The following KANSL1 variants were observed in gnomAD, a reference collection of about 807,000 sequenced individuals.
The protein encoded by KANSL1 is KAT8 regulatory NSL complex subunit 1.
In KANSL1, 22 loss-of-function variants were observed where a neutral mutation model predicts 103.6. That is an observed-to-expected ratio of 0.21 (90% confidence interval 0.15 to 0.30). KANSL1 has a LOEUF of 0.30. KANSL1 is among the 10% of genes least tolerant of loss of function. KANSL1 has a pLI of 1.00. For missense variants in KANSL1, 1,337 were observed against 1,399.8 expected (o/e 0.96, Z 0.72); for synonymous variants, 600 against 527.6 (o/e 1.14, Z -1.88).
intron 3 of KANSL1, among the ~76,000 whole-genome samples, chr17:46,087,082 AAGAC>A (rs2079191821): frequency 6.6e-6 from 1 of 152,080 alleles, no homozygotes; most frequent in African/African-American, 2.4e-5. Context: ...TGTTTATTTG[AAGAC>A]AGAATCAACC....
chr17:46,194,357 T>G (rs2047531167), upstream of KANSL1, among the ~76,000 whole-genome samples: 1 of 152,240 alleles, frequency 6.6e-6, no homozygotes. Flanking sequence ...AACACAAGTC[T>G]CACAACAAAA....
rs1448891597 is a variant in KANSL1, at chr17:46,171,775, C to T, written c.369G>A (p.Glu123=). 1.9e-6 allele frequency: 3 copies of T among 1,608,698 alleles called. No individual in the cohort carries two copies. The highest frequency in any genetic ancestry group is 3.4e-5 in the Admixed American group (2 of 58,882). ...LLSQSYELRA[E]LLGRQPVLEF... ...CCAAAACTGGCTGTCTCCCCAACAG[C>T]TCAGCTCGGAGTTCATAGGACTGAG... is the stretch of plus-strand genomic sequence containing the variant. The change falls in exon 2 of 15, where the codon GAG becomes GAA. Residue 123 remains glutamate, a synonymous_variant. Coordinates refer to ENST00000432791, the MANE Select transcript of KANSL1 (RefSeq NM_015443.4).
rs753493307 is a variant in KANSL1, at chr17:46,171,757, T to C, written c.387A>G (p.Pro129=). 11 of 1,591,586 alleles carry C rather than the reference T, an allele frequency of 6.9e-6. No individual in the cohort carries two copies. In the Admixed American group the frequency reaches 1.7e-4, roughly 24 times the overall value. ...ELRAELLGRQ[P]VLEFSLENLR... is the part of the protein sequence containing the mutation. The stretch of plus-strand genomic sequence containing the variant: ...GATTTTCTAAGGAAAACTCCAAAAC[T>C]GGCTGTCTCCCCAACAGCTCAGCTC... Residue 129 remains proline, a synonymous_variant, in exon 2 of 15, where the codon CCA becomes CCG. Coordinates refer to ENST00000432791, the MANE Select transcript of KANSL1 (RefSeq NM_015443.4).
intron 4 of KANSL1, among the ~76,000 whole-genome samples, chr17:46,078,977 C>A (rs1471706734): frequency 6.6e-6 from 1 of 152,194 alleles, no homozygotes; most frequent in Non-Finnish European, 1.5e-5. Flanking sequence ...TCTCCCTCAG[C>A]TAGCCTTACA....
intron 3 of KANSL1, among the ~76,000 whole-genome samples, chr17:46,083,072 A>G (rs2079041437): frequency 6.6e-6 from 1 of 152,196 alleles, no homozygotes; most frequent in Non-Finnish European, 1.5e-5. Context: ...CTTTTTTCAT[A>G]AGCATAAATA....
chr17:46,041,546 G>A (rs2077315504), intron 7 of KANSL1: 1 of 152,152 alleles, frequency 6.6e-6, no homozygotes, highest in Non-Finnish European at 1.5e-5. Flanking sequence ...CACTGCTTCA[G>A]AATAGAATGA....
At chr17:46,140,529 C>CAA (rs142629715) in intron 2 of KANSL1, among the ~76,000 whole-genome samples, 36 of 144,520 alleles carry the variant, frequency 2.5e-4, no homozygotes, top group Admixed American at 4.1e-4. Flanking sequence ...GCAAAAGAAA[C>CAA]AAAAAAAAAA....
chr17:46,108,358 C>T (rs1023766829), intron 2 of KANSL1, among the ~76,000 whole-genome samples: 27 of 152,294 alleles, frequency 1.8e-4, no homozygotes, highest in Admixed American at 1.5e-3. Context: ...AGCAGATATC[C>T]TCACTTTCTT....
At chr17:46,049,278 C>A (rs1341135302) in intron 7 of KANSL1, 1 of 111,142 alleles carries the variant, frequency 9.0e-6, no homozygotes, top group Non-Finnish European at 1.7e-5. Flanking sequence ...GACAGTCTTG[C>A]TCTGTCGCCC....
At chr17:46,177,615 A>C (rs866346123) in intron 1 of KANSL1, among the ~76,000 whole-genome samples, 3 of 150,010 alleles carry the variant, frequency 2.0e-5, no homozygotes, top group African/African-American at 7.2e-5. Flanking sequence ...ATTTTGCTTT[A>C]AAAAGTCATT....
intron 2 of KANSL1, among the ~76,000 whole-genome samples, chr17:46,095,195 C>A (rs2042009175): frequency 3.9e-5 from 6 of 152,074 alleles, no homozygotes; most frequent in African/African-American, 1.5e-4. Context: ...GAGAAAATAA[C>A]GCCTGAAAGC....
At chr17:46,050,433 G>T in intron 7 of KANSL1, 100 bp downstream of exon 7, 2 of 1,224,902 alleles carry the variant, frequency 1.6e-6, no homozygotes, top group South Asian at 1.5e-5. Context: ...GTTGTACCTT[G>T]AAAGTATCTG....
rs776741181 is a variant in KANSL1, at chr17:46,067,585, C to G, written c.1616G>C (p.Cys539Ser). Residue 539 changes from cysteine (C) to serine (S), a missense_variant, in exon 5 of 15, where the codon TGT (cysteine) becomes TCT (serine). Around this residue, in one of 2 missense-constraint regions of KANSL1, gnomAD observed 780 missense variants for 923.4 expected, o/e 0.84. Transcript: ENST00000432791. ...TCCATTGACAGGTCTGAGTGCTCCA[C>G]ATGATTTGGTAGACAGTGACTCTGA... ...HISESLSTKS[C>S]GALRPVNGVI... is the part of the protein sequence containing the mutation. 2 of 1,607,956 alleles carry G rather than the reference C, an allele frequency of 1.2e-6. No homozygotes were observed. Among genetic ancestry groups the G allele is most frequent in the African/African-American group, 2.7e-5 (2 of 74,766 alleles).
chr17:46,061,436 T>C (rs1444472417), intron 6 of KANSL1, among the ~76,000 whole-genome samples: 12 of 152,112 alleles, frequency 7.9e-5, no homozygotes, highest in Admixed American at 3.3e-4. Flanking sequence ...AAGAACATAA[T>C]GGCATATAAG....
chr17:46,159,363 C>T (rs1183798242), intron 2 of KANSL1, among the ~76,000 whole-genome samples: 2 of 152,242 alleles, frequency 1.3e-5, no homozygotes, highest in Non-Finnish European at 1.5e-5. Flanking sequence ...TACTCTCTTA[C>T]TCCCCTTTTA....
intron 2 of KANSL1, among the ~76,000 whole-genome samples, chr17:46,159,053 T>C (rs915044806): frequency 2.0e-5 from 3 of 152,304 alleles, no homozygotes; most frequent in African/African-American, 7.2e-5. Context: ...TGGTCCCAGG[T>C]TGCCTCATGA....
intron 1 of KANSL1, among the ~76,000 whole-genome samples, chr17:46,207,694 C>T (rs1162872162): frequency 1.3e-5 from 2 of 152,202 alleles, no homozygotes; most frequent in African/African-American, 4.8e-5. Flanking sequence ...AAGATCTCAT[C>T]AGGTTGAGCA....
upstream of KANSL1, chr17:46,195,949 T>C (rs1480428320): frequency 6.3e-6 from 1 of 158,812 alleles, no homozygotes; most frequent in African/African-American, 2.4e-5. Context: ...AAAAAAAGAT[T>C]TAAAGAAAAA....
chr17:46,204,413 G>T (rs970752895), intron 1 of KANSL1, among the ~76,000 whole-genome samples: 2 of 151,700 alleles, frequency 1.3e-5, no homozygotes, highest in South Asian at 2.1e-4. Context: ...TGCAGTGAGC[G>T]GAGATCACAC....
Sources: allele counts gnomAD v4.1 joint callset (sites outside exome capture counted in the v4.1 genomes callset), GRCh38; gene constraint gnomAD v4.1.1; regional missense constraint gnomAD v4.1.1; transcripts MANE v1.5; gene names NCBI Gene and HGNC (gene_info 2026-07-23, HGNC 2026-07-21).